Variants in NR3C2 observed in about 807,000 individuals in gnomAD.
NR3C2 encodes nuclear receptor subfamily 3 group C member 2.
NR3C2 carries 15 observed loss-of-function variants against 86.4 expected under a neutral mutation model. The observed-to-expected ratio is 0.17, with a 90% CI of 0.12 to 0.27. The LOEUF (loss-of-function observed/expected upper bound fraction) is 0.27. NR3C2 is among the 10% of genes least tolerant of loss of function. The pLI is 1.00. For missense variants in NR3C2, 960 were observed against 1,195.6 expected, an observed-to-expected ratio of 0.80 and a Z score of 2.91; for synonymous variants, 458 against 450.5, an observed-to-expected ratio of 1.02 and a Z score of -0.21.
chr4:148,122,591 T>C (rs1732557721), intron 6 of NR3C2, among the ~76,000 whole-genome samples: 1 of 152,202 alleles, frequency 6.6e-6, no homozygotes, highest in Admixed American at 6.5e-5. Flanking sequence ...TCTTCCTCCT[T>C]CTCTTCCTTT....
intron 2 of NR3C2, among the ~76,000 whole-genome samples, chr4:148,295,469 C>T (rs1561024715): frequency 1.3e-5 from 2 of 150,540 alleles, no homozygotes; most frequent in South Asian, 4.3e-4. Flanking sequence ...GAGACTAAAT[C>T]CACAGATATT....
chr4:148,372,904 C>T (rs1746490216), intron 2 of NR3C2, among the ~76,000 whole-genome samples: 1 of 152,196 alleles, frequency 6.6e-6, no homozygotes, highest in Admixed American at 6.5e-5. Context: ...CTCTTACTAG[C>T]AGAGGAATTT....
At chr4:148,355,284 C>T (rs373650771) in intron 2 of NR3C2, among the ~76,000 whole-genome samples, 4 of 152,082 alleles carry the variant, frequency 2.6e-5, no homozygotes, top group East Asian at 3.9e-4. Flanking sequence ...CAGCACACAC[C>T]GTTAAGTTTA....
intron 2 of NR3C2, among the ~76,000 whole-genome samples, chr4:148,432,534 C>T (rs1213997879): frequency 1.3e-5 from 2 of 152,172 alleles, no homozygotes; most frequent in East Asian, 1.9e-4. Flanking sequence ...CTCAGGAACC[C>T]TCAAACCATG....
At chr4:148,093,207 G>A (rs936630106) in intron 8 of NR3C2, among the ~76,000 whole-genome samples, 4 of 152,194 alleles carry the variant, frequency 2.6e-5, no homozygotes, top group Admixed American at 1.3e-4. Context: ...CACTTGGCTC[G>A]CTCTGACAAT....
chr4:148,382,155 C>G (rs530100873), intron 2 of NR3C2, among the ~76,000 whole-genome samples: 3 of 152,248 alleles, frequency 2.0e-5, no homozygotes, highest in South Asian at 4.1e-4. Context: ...TCTACATAAG[C>G]CTTTATGAAG....
intron 6 of NR3C2, among the ~76,000 whole-genome samples, chr4:148,144,312 C>T (rs1040492406): frequency 2.0e-5 from 3 of 152,070 alleles, no homozygotes; most frequent in Non-Finnish European, 4.4e-5. Flanking sequence ...TCAAGTGATC[C>T]TCCCACCTCA....
chr4:148,443,222 C>CAAAAA (rs59506438), upstream of NR3C2, among the ~76,000 whole-genome samples: 691 of 40,976 alleles, frequency 0.017, 58 homozygotes, highest in African/African-American at 0.031. Context: ...CCCCTAACAC[C>CAAAAA]AAAAAAAAAA....
At chr4:148,441,864 G>T (rs1328678867) in intron 1 of NR3C2, among the ~76,000 whole-genome samples, 2 of 152,200 alleles carry the variant, frequency 1.3e-5, no homozygotes, top group African/African-American at 4.8e-5. Flanking sequence ...CAGGGAAAAT[G>T]ATCCGAAATT....
intron 2 of NR3C2, among the ~76,000 whole-genome samples, chr4:148,312,020 G>A (rs553158390): frequency 2.0e-5 from 3 of 152,284 alleles, no homozygotes; most frequent in South Asian, 2.1e-4. Flanking sequence ...ACACAGTGAT[G>A]CTTCTGATTT....
At chr4:148,192,539 C>A (rs1243385890) in intron 4 of NR3C2, among the ~76,000 whole-genome samples, 2 of 152,120 alleles carry the variant, frequency 1.3e-5, no homozygotes, top group Non-Finnish European at 2.9e-5. Flanking sequence ...GGCCTAAGAA[C>A]TCCCAAGAGT....
In NR3C2 at chr4:148,260,055, C is replaced by T; in HGVS notation, c.1820G>A (p.Gly607Glu). 1 of 1,614,092 alleles carries T rather than the reference C, an allele frequency of 6.2e-7. No homozygotes were observed. The highest frequency in any genetic ancestry group is 8.5e-7 in the Non-Finnish European group (1 of 1,180,008). ...SRPSKICLVC[G>E]DEASGCHYGV... is the part of the protein sequence containing the mutation. ...ATAATGGCATCCTGAAGCCTCATCC[C>T]CACACACCAAACATATTTTTGAAGG... is the stretch of plus-strand genomic sequence containing the variant. Residue 607 changes from glycine to glutamate, a missense_variant, in exon 3 of 9, where the codon GGG (glycine) becomes GAG (glutamate). Physicochemically the swap from Gly to Glu is moderately conservative, Grantham distance 98. This residue lies in a region of NR3C2 where 47 missense variants were observed against 107.3 expected (regional missense o/e 0.44). Coordinates refer to ENST00000358102, the MANE Select transcript of NR3C2 (RefSeq NM_000901.5).
intron 2 of NR3C2, among the ~76,000 whole-genome samples, chr4:148,277,522 C>T (rs931720778): frequency 2.6e-5 from 4 of 152,102 alleles, no homozygotes; most frequent in African/African-American, 9.7e-5. Context: ...TCAAGTCCTA[C>T]CCGAGCAACA....
chr4:148,347,434 C>A (rs1359892771), intron 2 of NR3C2, among the ~76,000 whole-genome samples: 1 of 152,056 alleles, frequency 6.6e-6, no homozygotes, highest in Non-Finnish European at 1.5e-5. Flanking sequence ...CCTTTCACCC[C>A]TTCTATTGGG....
intron 3 of NR3C2, among the ~76,000 whole-genome samples, chr4:148,258,590 C>A (rs1739940059): frequency 6.6e-6 from 1 of 152,202 alleles, no homozygotes; most frequent in African/African-American, 2.4e-5. Flanking sequence ...GAGCCAAGTT[C>A]AATCTGAGGA....
At chr4:148,439,982 A>G (rs1750257623) in intron 1 of NR3C2, among the ~76,000 whole-genome samples, 2 of 152,230 alleles carry the variant, frequency 1.3e-5, no homozygotes. Flanking sequence ...TTAATAACAT[A>G]AAATAGGCTG....
chr4:148,352,386 ATCTAT>A (rs1745332216), intron 2 of NR3C2, among the ~76,000 whole-genome samples: 1 of 136,466 alleles, frequency 7.3e-6, no homozygotes, highest in Admixed American at 7.1e-5. Context: ...CTATCTATCT[ATCTAT>A]CTATCTATCT....
chr4:148,145,214 G>A (rs1733808894), intron 6 of NR3C2, among the ~76,000 whole-genome samples: 1 of 152,174 alleles, frequency 6.6e-6, no homozygotes, highest in Non-Finnish European at 1.5e-5. Context: ...GGTATGGTAT[G>A]ACCTAGGAAT....
At chr4:148,415,382 G>T (rs1002500311) in intron 2 of NR3C2, among the ~76,000 whole-genome samples, 6 of 152,156 alleles carry the variant, frequency 3.9e-5, no homozygotes, top group Non-Finnish European at 7.3e-5. Context: ...GCTCTTTAAA[G>T]TTGCTCTATT....
Sources: gnomAD v4.1 joint callset for allele counts (sites outside exome capture counted in the v4.1 genomes callset) on GRCh38, gnomAD v4.1.1 for gene constraint, gnomAD v4.1.1 regional missense constraint, MANE v1.5 for transcripts, NCBI Gene and HGNC (gene_info 2026-07-23, HGNC 2026-07-21) for gene names.